SMCHD1: variants seen among roughly 807,000 people sequenced by gnomAD.
SMCHD1 encodes the protein structural maintenance of chromosomes flexible hinge domain-containing protein 1.
In SMCHD1, 78 loss-of-function variants were observed where a neutral mutation model predicts 254.7. The observed-to-expected ratio is 0.31, with a 90% confidence interval of 0.26 to 0.37. SMCHD1 has a LOEUF of 0.37. SMCHD1 is among the 10% of genes least tolerant of loss of function. SMCHD1 has a pLI of 1.00. For synonymous variants in SMCHD1, 766 were observed against 794.9 expected, an observed-to-expected ratio of 0.96 and a Z score of 0.61; for missense variants, 1,840 against 2,408.1, an observed-to-expected ratio of 0.76 and a Z score of 4.94.
Position 2,803,810 on chromosome 18 carries a change from C to T in SMCHD1, c.*1258C>T, listed in dbSNP as rs1313276069. On this transcript the variant is annotated 3_prime_UTR_variant, in exon 48 of 48. Coordinates refer to ENST00000320876, the MANE Select transcript of SMCHD1 (RefSeq NM_015295.3). Reference sequence around the variant, plus strand: ...CCCATGGTACTACAGGTTGAGTATCCCTTATTCAAAATGGTTGGGACCTGA... The same window carrying T: ...CCCATGGTACTACAGGTTGAGTATCTCTTATTCAAAATGGTTGGGACCTGA... 1 of 151,944 alleles carries T rather than the reference C, an allele frequency of 6.6e-6. No individual in the cohort carries two copies. Among genetic ancestry groups the T allele is most frequent in the African/African-American group, 2.4e-5 (1 of 41,362 alleles). 9.4% of individuals were successfully genotyped at this position (151,944 alleles called of 1,614,324 possible). A position where few individuals can be genotyped will look rare whatever the true frequency, so the allele number is the denominator to read the frequency against.
At chr18:2,769,624 T>A (rs983844152) in intron 37 of SMCHD1, 70 bp from the exon 38 acceptor site, 16 of 1,478,692 alleles carry the variant, frequency 1.1e-5, no homozygotes, top group Non-Finnish European at 1.4e-5. Flanking sequence ...TAATGAGTTA[T>A]GTAACATTTA....
At chr18:2,728,964 A>G (rs1598376185) in intron 23 of SMCHD1, 1 of 231,596 alleles carries the variant, frequency 4.3e-6, no homozygotes, top group Non-Finnish European at 8.2e-6. Context: ...AAAAAAAAAA[A>G]GGGAATGATG....
At chr18:2,683,988 G>A (rs656929) in intron 5 of SMCHD1, among the ~76,000 whole-genome samples, 125,360 of 152,052 alleles carry the variant, frequency 0.82, 55,105 homozygotes, top group East Asian at 1. Context: ...TTCATTTAGC[G>A]TCTTTGTATT....
intron 40 of SMCHD1, among the ~76,000 whole-genome samples, 175 bp from the exon 41 acceptor site, chr18:2,772,075 T>C (rs1282223822): frequency 6.6e-6 from 1 of 152,152 alleles, no homozygotes; most frequent in Non-Finnish European, 1.5e-5. Context: ...GTTTTTAAAA[T>C]TGTGTTTTCT....
chr18:2,799,051 G>A lies in SMCHD1; in HGVS notation c.5993+2530G>A, dbSNP rs201077769. On this transcript the variant is annotated intron_variant, in intron 47 of 47. Coordinates refer to ENST00000320876, the MANE Select transcript of SMCHD1 (RefSeq NM_015295.3). ...TATTGTTAGTAGTATAATGATCATC[G>A]GTCATATGTGTATATATCAAATGGT... Among the ~76,000 whole-genome samples the A allele has an allele frequency of 7.2e-5, 11 of 152,162 alleles. No individual in the cohort carries two copies. The East Asian group carries it at 9.6e-4, about 13-fold the overall frequency.
chr18:2,662,179 T>A (rs192063739), intron 1 of SMCHD1, among the ~76,000 whole-genome samples: 18,513 of 67,150 alleles, frequency 0.28, 2,531 homozygotes, highest in Middle Eastern at 0.41. Context: ...AAAAAAAAAA[T>A]AAAATAAATA....
At chr18:2,693,912 T>A (rs2074234911) in intron 7 of SMCHD1, among the ~76,000 whole-genome samples, 1 of 152,138 alleles carries the variant, frequency 6.6e-6, no homozygotes, top group African/African-American at 2.4e-5. Context: ...ATTACGGGAG[T>A]GAGCTACCAC....
chr18:2,709,701 A>C (rs146059353), intron 17 of SMCHD1, among the ~76,000 whole-genome samples: 2 of 152,254 alleles, frequency 1.3e-5, no homozygotes, highest in East Asian at 3.9e-4. Flanking sequence ...GCTAATTGCC[A>C]TCTGTATATC....
intron 21 of SMCHD1, 28 bp from the exon 22 acceptor site, chr18:2,726,424 T>C (rs1170771986): frequency 2.0e-5 from 26 of 1,311,280 alleles, no homozygotes; most frequent in Non-Finnish European, 2.7e-5. Context: ...CAGGACTGGG[T>C]TTAATTTTTA....
At chr18:2,727,639 TG>T (rs2075051172) in intron 22 of SMCHD1, among the ~76,000 whole-genome samples, 1 of 152,080 alleles carries the variant, frequency 6.6e-6, no homozygotes. Context: ...TTACTAGCCT[TG>T]TGACCTGGAC....
At chr18:2,716,241 C>T (rs144423735) in intron 17 of SMCHD1, among the ~76,000 whole-genome samples, 158 of 152,330 alleles carry the variant, frequency 1.0e-3, no homozygotes, top group Middle Eastern at 3.4e-3. Flanking sequence ...GGTGAGCAGT[C>T]TCAGGGCCTC....
chr18:2,738,949 T>A (rs1413171983), intron 26 of SMCHD1, among the ~76,000 whole-genome samples: 1 of 152,198 alleles, frequency 6.6e-6, no homozygotes, highest in African/African-American at 2.4e-5. Context: ...AGGGACAGAA[T>A]TAAGTGAATG....
In SMCHD1 at chr18:2,742,894, C is replaced by T. The variant is rs534114920; in HGVS notation, c.3634-867C>T. 3.9e-5 allele frequency among the ~76,000 whole-genome samples: 6 copies of T among 152,032 alleles called. No individual in the cohort carries two copies. In the South Asian group the frequency reaches 8.3e-4, roughly 21 times the overall value. On this transcript the variant is annotated intron_variant, in intron 28 of 47. Coordinates refer to ENST00000320876, the MANE Select transcript of SMCHD1 (RefSeq NM_015295.3). ...GTCTTACTGTGTTGCCCAGGCTGGT[C>T]GTGAACTGGGCTCAAGGGATCCTTC...
intron 5 of SMCHD1, among the ~76,000 whole-genome samples, chr18:2,676,637 C>G (rs940200218): frequency 3.9e-5 from 6 of 152,090 alleles, no homozygotes; most frequent in African/African-American, 1.4e-4. Context: ...TACCTGGGTA[C>G]TACTCCCTCA....
intron 5 of SMCHD1, among the ~76,000 whole-genome samples, chr18:2,681,265 T>C (rs1568124988): frequency 6.6e-6 from 1 of 151,658 alleles, no homozygotes; most frequent in East Asian, 1.9e-4. Flanking sequence ...ATACAAAAAT[T>C]AGCCAGGTGT....
chr18:2,772,387 A>G lies in SMCHD1; in HGVS notation c.5175+15A>G. ...TTTTGGGAAAGGTTTGTGTTTATTA[A>G]GCCTTTTGAAAGGCAGTACATTTTA... On this transcript the variant is annotated intron_variant, in intron 41 of 47. Transcript: ENST00000320876. 4 of 1,539,490 alleles carry G rather than the reference A, an allele frequency of 2.6e-6. No homozygotes were observed. The highest frequency in any genetic ancestry group is 3.5e-6 in the Non-Finnish European group (4 of 1,148,924).
intron 47 of SMCHD1, among the ~76,000 whole-genome samples, chr18:2,801,660 TTA>T (rs1381227780): frequency 2.0e-5 from 3 of 152,148 alleles, no homozygotes; most frequent in Non-Finnish European, 4.4e-5. Context: ...TTCTGTATAT[TTA>T]TGTTTATGTT....
chr18:2,740,907 A>C, intron 28 of SMCHD1, 86 bp downstream of exon 28: 2 of 748,248 alleles, frequency 2.7e-6, no homozygotes. Flanking sequence ...AGTATAAGAA[A>C]AAAGTTTGAT....
chr18:2,729,374 A>G lies in SMCHD1; in HGVS notation c.3013A>G (p.Lys1005Glu). 6.5e-7 allele frequency: 1 copy of G among 1,548,960 alleles called. No homozygotes were observed. The highest frequency in any genetic ancestry group is 1.2e-5 in the South Asian group (1 of 82,016). Reference protein sequence around the residue: ...GSAIQVQNIKKDQTLKARIEI... With the variant: ...GSAIQVQNIKEDQTLKARIEI... ...TGCAATTCAAGTTCAGAATATTAAA[A>G]AAGACCAGACGCTTAAAGCAAGAAT... The change falls in exon 24 of 48, where the codon AAA becomes GAA. Residue 1005 changes from lysine (K) to glutamate (E), a missense_variant. Physicochemically the swap from Lys to Glu is moderately conservative, Grantham distance 56 (BLOSUM62 1). Around this residue, in one of 9 missense-constraint regions of SMCHD1, gnomAD observed 881 missense variants for 1,009.5 expected, o/e 0.87. Coordinates refer to ENST00000320876, the MANE Select transcript of SMCHD1 (RefSeq NM_015295.3).
Sources: gnomAD v4.1 joint callset for allele counts (sites outside exome capture counted in the v4.1 genomes callset) on GRCh38, gnomAD v4.1.1 for gene constraint, gnomAD v4.1.1 regional missense constraint, MANE v1.5 for transcripts, NCBI Gene and HGNC (gene_info 2026-07-23, HGNC 2026-07-21) for gene names.